RBFOX1: variants seen among roughly 807,000 people sequenced by gnomAD.
RBFOX1 encodes RNA binding protein fox-1 homolog 1.
Under a neutral mutation model 57.7 loss-of-function variants are expected in RBFOX1, and 8 were observed. That is an observed-to-expected ratio of 0.14 (90% CI 0.08 to 0.25). The LOEUF (loss-of-function observed/expected upper bound fraction) is 0.25. RBFOX1 is among the 10% of genes least tolerant of loss of function. The pLI is 1.00. For missense variants in RBFOX1, 611 were observed against 548.5 expected, an observed-to-expected ratio of 1.11 and a Z score of -1.14; for synonymous variants, 326 against 222.4, an observed-to-expected ratio of 1.47 and a Z score of -4.15.
intron 3 of RBFOX1, among the ~76,000 whole-genome samples, chr16:6,948,044 G>C (rs1452160551): frequency 2.0e-5 from 3 of 152,130 alleles, no homozygotes; most frequent in Non-Finnish European, 4.4e-5. Context: ...CTCCCAAAAT[G>C]TTGGGATTAC....
chr16:5,827,403 GA>G (rs60597828), intron 3 of RBFOX1, among the ~76,000 whole-genome samples: 58 of 137,666 alleles, frequency 4.2e-4, no homozygotes, highest in Middle Eastern at 3.9e-3. Context: ...CCATCTCAGG[GA>G]AAAAAAAAAA....
At chr16:5,908,147 C>CACAT (rs2058513361) in intron 4 of RBFOX1, among the ~76,000 whole-genome samples, 1 of 142,316 alleles carries the variant, frequency 7.0e-6, no homozygotes, top group South Asian at 2.1e-4. Context: ...CATATATACA[C>CACAT]ATATATACAC....
At chr16:7,377,614 C>G (rs983043793) in intron 4 of RBFOX1, among the ~76,000 whole-genome samples, 2 of 152,282 alleles carry the variant, frequency 1.3e-5, no homozygotes, top group South Asian at 2.1e-4. Flanking sequence ...ATCAGTATAA[C>G]TTTATAGCGC....
rs145562144 is a variant in RBFOX1, at chr16:6,867,454, C to G, written c.-15-184603C>G. 6.2e-3 allele frequency among the ~76,000 whole-genome samples: 940 copies of G among 152,074 alleles called. 14 individuals carry two copies. Among genetic ancestry groups the G allele is most frequent in the African/African-American group, 0.021 (889 of 41,478 alleles). Reference sequence around the variant, plus strand: ...AGAAAGGGGGCCGGGTGTGGGGGCTCACTCATGTAATTCCAGCACTTTGGG... The same window carrying G: ...AGAAAGGGGGCCGGGTGTGGGGGCTGACTCATGTAATTCCAGCACTTTGGG... On this transcript the variant is annotated intron_variant, in intron 3 of 15. Coordinates refer to ENST00000550418, the MANE Select transcript of RBFOX1 (RefSeq NM_018723.4).
intron 2 of RBFOX1, among the ~76,000 whole-genome samples, chr16:6,372,921 A>G (rs1039891804): frequency 6.6e-6 from 1 of 150,644 alleles, no homozygotes; most frequent in African/African-American, 2.4e-5. Context: ...GTTGGTTAGG[A>G]TTGTTGGGTA....
intron 3 of RBFOX1, among the ~76,000 whole-genome samples, chr16:5,783,753 A>G (rs1597236450): frequency 6.6e-6 from 1 of 151,908 alleles, no homozygotes; most frequent in East Asian, 1.9e-4. Flanking sequence ...CTTACCAAAA[A>G]CCTCCCTTGT....
intron 4 of RBFOX1, among the ~76,000 whole-genome samples, chr16:7,464,124 G>GC (rs1473881223): frequency 6.6e-6 from 1 of 152,050 alleles, no homozygotes; most frequent in Non-Finnish European, 1.5e-5. Flanking sequence ...CTCCCTTCTG[G>GC]TGCTCAATGG....
chr16:5,449,168 G>A (rs1021252945), intron 1 of RBFOX1, among the ~76,000 whole-genome samples: 2 of 152,110 alleles, frequency 1.3e-5, no homozygotes, highest in African/African-American at 4.8e-5. Context: ...AGCATCCCCT[G>A]CCCAAAGCCC....
chr16:7,521,358 G>A lies in RBFOX1; in HGVS notation c.270+2969G>A, dbSNP rs560569484. On this transcript the variant is annotated intron_variant, in intron 5 of 15. Transcript: ENST00000550418. ...GTCCAATAAGGAGTTGAAATTCCAC[G>A]TTATAAGCAATGGGAAACCATTAAA... 5.9e-5 allele frequency among the ~76,000 whole-genome samples: 9 copies of A among 152,284 alleles called. No homozygotes were observed. In the South Asian group the frequency reaches 1.0e-3, roughly 18 times the overall value.
At chr16:6,958,791 G>A (rs555622701) in intron 3 of RBFOX1, among the ~76,000 whole-genome samples, 30 of 152,228 alleles carry the variant, frequency 2.0e-4, no homozygotes, top group Admixed American at 1.3e-3. Context: ...AAAATGAGGC[G>A]TGAATTGGAA....
intron 1 of RBFOX1, among the ~76,000 whole-genome samples, chr16:5,257,864 G>C (rs1367894182): frequency 6.6e-6 from 1 of 151,974 alleles, no homozygotes; most frequent in Non-Finnish European, 1.5e-5. Context: ...GGGGGAAATG[G>C]GATCAAGAGG....
At chr16:7,416,545 C>A (rs533791872) in intron 4 of RBFOX1, among the ~76,000 whole-genome samples, 1 of 152,054 alleles carries the variant, frequency 6.6e-6, no homozygotes, top group African/African-American at 2.4e-5. Context: ...AACAGAAGAT[C>A]GGGGCTAATG....
intron 3 of RBFOX1, among the ~76,000 whole-genome samples, chr16:5,816,626 A>C (rs1238283971): frequency 2.6e-5 from 4 of 152,152 alleles, no homozygotes; most frequent in Non-Finnish European, 5.9e-5. Context: ...TCTATAAAAA[A>C]ATACAAAATT....
At chr16:7,184,512 C>T (rs912150247) in intron 4 of RBFOX1, among the ~76,000 whole-genome samples, 1 of 152,198 alleles carries the variant, frequency 6.6e-6, no homozygotes, top group Non-Finnish European at 1.5e-5. Context: ...GCAGCCCTGT[C>T]TCATGGTCAA....
intron 1 of RBFOX1, among the ~76,000 whole-genome samples, chr16:5,461,257 A>C (rs2068778409): frequency 6.6e-6 from 1 of 152,162 alleles, no homozygotes; most frequent in Non-Finnish European, 1.5e-5. Context: ...ACTTGTGCAG[A>C]GTTCACTGGT....
At chr16:7,565,536 G>C (rs538439519) in intron 5 of RBFOX1, among the ~76,000 whole-genome samples, 2 of 152,232 alleles carry the variant, frequency 1.3e-5, no homozygotes, top group South Asian at 4.2e-4. Flanking sequence ...AAATTCACTC[G>C]GCGCCCAGCA....
chr16:5,370,977 G>A (rs571151229), intron 1 of RBFOX1, among the ~76,000 whole-genome samples: 4 of 152,150 alleles, frequency 2.6e-5, no homozygotes, highest in African/African-American at 7.2e-5. Context: ...TAGATGGATT[G>A]TTGCTCTTTC....
intron 2 of RBFOX1, among the ~76,000 whole-genome samples, chr16:5,472,517 T>A (rs1316094835): frequency 6.6e-6 from 1 of 152,164 alleles, no homozygotes; most frequent in East Asian, 1.9e-4. Context: ...GAGTATTTGC[T>A]CTTTTTAATG....
chr16:5,785,659 C>A (rs145095046), intron 3 of RBFOX1, among the ~76,000 whole-genome samples: 2,628 of 152,144 alleles, frequency 0.017, 80 homozygotes, highest in African/African-American at 0.058. Context: ...TCCTGAGTAG[C>A]TGGGATTACA....
Sources: allele counts gnomAD v4.1 joint callset (sites outside exome capture counted in the v4.1 genomes callset), GRCh38; gene constraint gnomAD v4.1.1; transcripts MANE v1.5; gene names NCBI Gene and HGNC (gene_info 2026-07-23, HGNC 2026-07-21).